Variants in RAP1GAP2 observed in about 807,000 individuals in gnomAD.
RAP1GAP2 encodes the protein rap1 GTPase-activating protein 2.
RAP1GAP2 carries 27 observed loss-of-function variants against 95.0 expected under a neutral mutation model. The ratio of observed to expected loss-of-function variants is 0.28; its 90% CI spans 0.21 to 0.39. The LOEUF is 0.39. Among genes scored for constraint, RAP1GAP2 ranks in the 10% least tolerant of loss-of-function variants. RAP1GAP2 has a pLI of 1.00. For missense variants in RAP1GAP2, 771 were observed against 970.0 expected, an observed-to-expected ratio of 0.79 and a Z score of 2.72; for synonymous variants, 373 against 380.9, an observed-to-expected ratio of 0.98 and a Z score of 0.24.
chr17:2,877,132 A>G (rs943940783), intron 2 of RAP1GAP2, among the ~76,000 whole-genome samples: 7 of 150,768 alleles, frequency 4.6e-5, no homozygotes, highest in Admixed American at 1.3e-4. Flanking sequence ...CAGGTGATGC[A>G]CCCGCCTCAG....
At chr17:2,790,152 C>T (rs1567649862) in intron 1 of RAP1GAP2, among the ~76,000 whole-genome samples, 4 of 151,790 alleles carry the variant, frequency 2.6e-5, no homozygotes, top group African/African-American at 7.3e-5. Context: ...CTCCCTCTGT[C>T]ACCAGGCTGG....
At chr17:2,771,458 C>T (rs906109920) in intron 2 of RAP1GAP2, among the ~76,000 whole-genome samples, 16 of 151,672 alleles carry the variant, frequency 1.1e-4, no homozygotes, top group Admixed American at 5.3e-4. Context: ...GACTTTCTTT[C>T]CACTTTCCCC....
chr17:2,924,744 T>C (rs2042897329), intron 3 of RAP1GAP2, among the ~76,000 whole-genome samples: 1 of 152,120 alleles, frequency 6.6e-6, no homozygotes, highest in African/African-American at 2.4e-5. Context: ...AAAAAGTCAT[T>C]TCAATACTCT....
intron 10 of RAP1GAP2, among the ~76,000 whole-genome samples, chr17:2,982,406 G>A (rs2045397598): frequency 2.6e-5 from 4 of 152,156 alleles, no homozygotes; most frequent in Admixed American, 2.6e-4. Flanking sequence ...CAAAGTGCTG[G>A]GATTACAGGC....
At chr17:2,910,260 G>A (rs1486899829) in intron 3 of RAP1GAP2, among the ~76,000 whole-genome samples, 1 of 152,152 alleles carries the variant, frequency 6.6e-6, no homozygotes, top group East Asian at 1.9e-4. Context: ...GGACATCTCG[G>A]TCAGAGGAGG....
chr17:3,006,801 G>C (rs529304109), intron 16 of RAP1GAP2, among the ~76,000 whole-genome samples: 30 of 151,710 alleles, frequency 2.0e-4, no homozygotes, highest in Non-Finnish European at 3.8e-4. Context: ...ATGGGGATAA[G>C]TGAGACAGTT....
At position 3,004,788 on chromosome 17, in the gene RAP1GAP2, T is replaced by G. The variant is rs2046282253; in HGVS notation, c.1201-581T>G. ...CCCTACCCTTCCGATTCGGCAGGTT[T>G]AGGCCAGAGCCCATGAACCCAGTCT... On this transcript the variant is annotated intron_variant, in intron 14 of 24. Transcript: ENST00000254695. The surrounding 1 kb of genome is among the most constrained non-coding windows in gnomAD (Gnocchi z 4.1). Among the ~76,000 whole-genome samples, 1 of 152,262 alleles carries G rather than the reference T, an allele frequency of 6.6e-6. No homozygotes were observed. Among genetic ancestry groups the G allele is most frequent in the Non-Finnish European group, 1.5e-5 (1 of 68,044 alleles).
chr17:2,760,048 CTT>C, intron 1 of RAP1GAP2, among the ~76,000 whole-genome samples: 2 of 152,068 alleles, frequency 1.3e-5, no homozygotes, highest in East Asian at 3.9e-4. Flanking sequence ...GATTAACAAA[CTT>C]TAAAATCTTG....
Position 2,756,357 on chromosome 17 carries a change from C to T in RAP1GAP2, c.50+590C>T, listed in dbSNP as rs532838870. On this transcript the variant is annotated intron_variant, in intron 1 of 25. Transcript: ENST00000637138. ...GCGGGGCAGTCGCCCTTTCCCCCTC[C>T]GCAGTCCTGGCCCGCTGGGAAGTCA... Among the ~76,000 whole-genome samples the T allele has an allele frequency of 7.2e-5, 11 of 152,348 alleles. No homozygotes were observed. The East Asian group carries it at 1.2e-3, about 16-fold the overall frequency.
intron 2 of RAP1GAP2, among the ~76,000 whole-genome samples, chr17:2,848,292 G>T (rs1277644237): frequency 6.6e-6 from 1 of 152,112 alleles, no homozygotes. Flanking sequence ...TATGACGTCT[G>T]TGGCCCCAGG....
chr17:3,031,115 G>C (rs1379253298), intron 23 of RAP1GAP2, 117 bp downstream of exon 23: 2 of 1,149,804 alleles, frequency 1.7e-6, no homozygotes, highest in Non-Finnish European at 1.2e-6. Flanking sequence ...AAGGAGGCAG[G>C]GGAAGCTCTG....
At chr17:2,835,949 C>A (rs1194590230) in intron 2 of RAP1GAP2, among the ~76,000 whole-genome samples, 1 of 152,142 alleles carries the variant, frequency 6.6e-6, no homozygotes, top group African/African-American at 2.4e-5. Context: ...CCAGCCCTGC[C>A]TTTTCCTTGG....
intron 2 of RAP1GAP2, among the ~76,000 whole-genome samples, chr17:2,869,918 C>T (rs577969411): frequency 1.3e-5 from 2 of 152,258 alleles, no homozygotes; most frequent in East Asian, 3.9e-4. Flanking sequence ...CTCCGGGCCA[C>T]GTGAGTGGAG....
intron 2 of RAP1GAP2, among the ~76,000 whole-genome samples, chr17:2,844,720 C>T (rs2071512158): frequency 6.6e-6 from 1 of 152,130 alleles, no homozygotes. Context: ...AAACTGTTGT[C>T]CTTCCTTCTG....
At position 3,006,044 on chromosome 17, in the gene RAP1GAP2, G is replaced by A. The variant is rs746460301; in HGVS notation, c.1359+3G>A. On this transcript the variant is annotated splice_donor_region_variant and intron_variant, in intron 16 of 24. Transcript: ENST00000254695. The stretch of plus-strand genomic sequence containing the variant: ...CGGACAAGTTTGCAAAGCTGGAGGT[G>A]AGAGTGTGGTTTCTGAAGGTCTCCC... 2.5e-6 allele frequency: 4 copies of A among 1,603,566 alleles called. No homozygotes were observed. The highest frequency in any genetic ancestry group is 1.7e-5 in the Admixed American group (1 of 59,718).
chr17:2,935,450 T>C (rs984621858), intron 3 of RAP1GAP2, among the ~76,000 whole-genome samples: 2 of 152,038 alleles, frequency 1.3e-5, no homozygotes, highest in Non-Finnish European at 2.9e-5. Flanking sequence ...GAGGTTGCAG[T>C]GAGCTGAGAT....
At position 2,821,082 on chromosome 17, in the gene RAP1GAP2, G is replaced by A. The variant is rs143477336; in HGVS notation, c.80+20532G>A. 2.0e-4 allele frequency among the ~76,000 whole-genome samples: 31 copies of A among 151,870 alleles called. No homozygotes were observed. The East Asian group carries it at 6.0e-3, about 29-fold the overall frequency. ...CAAACATGAACAGATCTCTGAATAA[G>A]CGCTTGGAAACCCTCATGGCTCCAC... is the stretch of plus-strand genomic sequence containing the variant. On this transcript the variant is annotated intron_variant, in intron 2 of 24. Coordinates refer to ENST00000254695, the MANE Select transcript of RAP1GAP2 (RefSeq NM_015085.5).
At chr17:2,967,634 G>A (rs1232460013) in intron 8 of RAP1GAP2, among the ~76,000 whole-genome samples, 1 of 152,140 alleles carries the variant, frequency 6.6e-6, no homozygotes, top group Non-Finnish European at 1.5e-5. Context: ...ACGAGAAGCC[G>A]TACCCCAGCT....
rs975490677 is a variant in RAP1GAP2 at position 3,020,462 on chromosome 17, C to T, written c.1633-15C>T. Reference sequence around the variant, plus strand: ...TTTGGGCCGGGAGCACTCATTTTGGCAATTTCATCGACAGCCTCCAGTGGT... The same window carrying T: ...TTTGGGCCGGGAGCACTCATTTTGGTAATTTCATCGACAGCCTCCAGTGGT... On this transcript the variant is annotated splice_polypyrimidine_tract_variant and intron_variant, in intron 18 of 24. Coordinates refer to ENST00000254695, the MANE Select transcript of RAP1GAP2 (RefSeq NM_015085.5). 9.9e-6 allele frequency: 16 copies of T among 1,608,916 alleles called. No homozygotes were observed. Among genetic ancestry groups the T allele is most frequent in the Non-Finnish European group, 1.4e-5 (16 of 1,176,284 alleles).
Sources: allele counts gnomAD v4.1 joint callset (sites outside exome capture counted in the v4.1 genomes callset), GRCh38; gene constraint gnomAD v4.1.1; non-coding constraint Gnocchi (gnomAD v3.1); transcripts MANE v1.5; gene names NCBI Gene and HGNC (gene_info 2026-07-23, HGNC 2026-07-21).